LRP12: variants seen among roughly 807,000 people sequenced by gnomAD.
The protein encoded by LRP12 is LDL receptor related protein 12.
In LRP12, 14 loss-of-function variants were observed where a neutral mutation model predicts 66.0. The ratio of observed to expected loss-of-function variants is 0.21; its 90% CI spans 0.14 to 0.33. The LOEUF (loss-of-function observed/expected upper bound fraction) is 0.33. Ranked by LOEUF, LRP12 falls within the 10% of genes least tolerant of loss-of-function variation. The probability of loss-of-function intolerance (pLI) is 1.00; values close to 1 mark genes in which losing one functional copy is unlikely to be tolerated. For synonymous variants in LRP12, 357 were observed against 359.1 expected (o/e 0.99, Z 0.07); for missense variants, 889 against 1,053.4 (o/e 0.84, Z 2.16).
At chr8:104,509,175 AAAT>A in intron 2 of LRP12, 101 bp from the exon 3 acceptor site, 3 of 971,636 alleles carry the variant, frequency 3.1e-6, no homozygotes. Context: ...TTTACACATC[AAAT>A]AATAACCAAT....
intron 1 of LRP12, among the ~76,000 whole-genome samples, chr8:104,586,754 G>A (rs1812339031): frequency 6.6e-6 from 1 of 152,146 alleles, no homozygotes; most frequent in African/African-American, 2.4e-5. Context: ...CAGCCATAAA[G>A]AGGATTTCTC....
At chr8:104,547,801 TTATA>T (rs1811618792) in intron 1 of LRP12, among the ~76,000 whole-genome samples, 1 of 128,530 alleles carries the variant, frequency 7.8e-6, no homozygotes, top group Admixed American at 8.8e-5. Context: ...TAATTATATA[TTATA>T]TATAATTCTA....
intron 1 of LRP12, among the ~76,000 whole-genome samples, chr8:104,557,317 T>C (rs1001197353): frequency 2.6e-5 from 4 of 152,136 alleles, no homozygotes; most frequent in Admixed American, 2.6e-4. Flanking sequence ...GGCATCCAAA[T>C]TGGTAAAAAG....
chr8:104,495,442 G>A (rs1254881776), intron 5 of LRP12: 1 of 392,724 alleles, frequency 2.5e-6, no homozygotes, highest in Non-Finnish European at 4.5e-6. Flanking sequence ...CTAGATCACT[G>A]AGTTTTAATA....
chr8:104,580,870 G>C (rs1407828349), intron 1 of LRP12, among the ~76,000 whole-genome samples: 1 of 152,160 alleles, frequency 6.6e-6, no homozygotes, highest in Non-Finnish European at 1.5e-5. Flanking sequence ...GGAAGACAAC[G>C]TGGCGACTCC....
At chr8:104,553,533 G>A (rs1401903194) in intron 1 of LRP12, among the ~76,000 whole-genome samples, 3 of 152,030 alleles carry the variant, frequency 2.0e-5, no homozygotes, top group Non-Finnish European at 1.5e-5. Flanking sequence ...TCCTGGGTAC[G>A]TAACTCCATT....
At chr8:104,514,460 G>C (rs1811046921) in intron 2 of LRP12, among the ~76,000 whole-genome samples, 2 of 151,146 alleles carry the variant, frequency 1.3e-5, no homozygotes, top group Admixed American at 6.6e-5. Flanking sequence ...TGTAATCCCA[G>C]CACTTTGGGA....
intron 1 of LRP12, among the ~76,000 whole-genome samples, chr8:104,573,023 A>G (rs1812105788): frequency 1.3e-5 from 2 of 152,210 alleles, no homozygotes; most frequent in Admixed American, 6.5e-5. Context: ...AATAATGTTA[A>G]GTTGAATCGT....
chr8:104,514,257 G>A (rs977853923), intron 2 of LRP12, among the ~76,000 whole-genome samples: 1 of 151,964 alleles, frequency 6.6e-6, no homozygotes, highest in Non-Finnish European at 1.5e-5. Flanking sequence ...TTTATAAATG[G>A]CTTCCCAGTC....
At chr8:104,551,830 C>T (rs945607612) in intron 1 of LRP12, among the ~76,000 whole-genome samples, 8 of 152,160 alleles carry the variant, frequency 5.3e-5, no homozygotes, top group African/African-American at 1.9e-4. Context: ...TTCTTTCTTA[C>T]TCTCTTTCTC....
At position 104,547,836 on chromosome 8, in the gene LRP12, T is replaced by A. The variant is rs1412797793; in HGVS notation, c.80-15873A>T. Among the ~76,000 whole-genome samples, 4 of 122,594 alleles carry A rather than the reference T, an allele frequency of 3.3e-5. No homozygotes were observed. In the East Asian group the frequency reaches 8.9e-4, roughly 27 times the overall value. 80.4% of individuals were successfully genotyped at this position (122,594 alleles called of 152,430 possible). A position where few individuals can be genotyped will look rare whatever the true frequency, so the allele number is the denominator to read the frequency against. ...TTCTATATACTTTGTATATAATATATAATTCTATGTTATATTTTGTATATA... is the reference window on the plus strand; with the variant it reads ...TTCTATATACTTTGTATATAATATAAAATTCTATGTTATATTTTGTATATA... On this transcript the variant is annotated intron_variant, in intron 1 of 6. Coordinates refer to ENST00000276654, the MANE Select transcript of LRP12 (RefSeq NM_013437.5).
At chr8:104,495,281 T>C in intron 5 of LRP12, 72 bp from the exon 6 acceptor site, 1 of 1,426,374 alleles carries the variant, frequency 7.0e-7, no homozygotes, top group Non-Finnish European at 9.7e-7. Context: ...CTATTATCAG[T>C]AATTAAAACA....
rs534135865 is a variant in LRP12 at position 104,558,983 on chromosome 8, C to T, written c.80-27020G>A. Among the ~76,000 whole-genome samples the T allele has an allele frequency of 6.6e-5, 10 of 152,094 alleles. No homozygotes were observed. In the South Asian group the frequency reaches 2.1e-3, roughly 32 times the overall value. On this transcript the variant is annotated intron_variant, in intron 1 of 6. Transcript: ENST00000276654. ...AGATATTGGCATGGAATGTGGTGAA[C>T]AGGGAACACTTTTACATTGCCAGTG...
chr8:104,586,467 C>G (rs1812334886), intron 1 of LRP12, among the ~76,000 whole-genome samples: 1 of 152,170 alleles, frequency 6.6e-6, no homozygotes, highest in Non-Finnish European at 1.5e-5. Flanking sequence ...GTTTCATTAA[C>G]AGAGCTAATT....
intron 1 of LRP12, among the ~76,000 whole-genome samples, chr8:104,551,569 T>C (rs7832455): frequency 0.03 from 4,641 of 152,214 alleles, 237 homozygotes; most frequent in African/African-American, 0.11. Context: ...TCTTTACGTC[T>C]GTGAATGTTT....
chr8:104,542,049 T>C (rs1811486830), intron 1 of LRP12, among the ~76,000 whole-genome samples: 1 of 152,192 alleles, frequency 6.6e-6, no homozygotes, highest in African/African-American at 2.4e-5. Flanking sequence ...GGTATCCCTA[T>C]GTTTTCCTTT....
intron 1 of LRP12, among the ~76,000 whole-genome samples, chr8:104,544,558 C>A (rs545116090): frequency 1.3e-5 from 2 of 152,224 alleles, no homozygotes; most frequent in East Asian, 1.9e-4. Context: ...TAATGCAGCT[C>A]GTGACTTTAA....
intron 1 of LRP12, among the ~76,000 whole-genome samples, chr8:104,568,962 A>G (rs1588508363): frequency 6.6e-6 from 1 of 152,192 alleles, no homozygotes; most frequent in Non-Finnish European, 1.5e-5. Flanking sequence ...GTCCACACAA[A>G]AACTTTCACA....
At chr8:104,523,455 T>C (rs1341385354) in intron 2 of LRP12, among the ~76,000 whole-genome samples, 1 of 152,172 alleles carries the variant, frequency 6.6e-6, no homozygotes, top group Non-Finnish European at 1.5e-5. Flanking sequence ...ATAAAATTAA[T>C]TATATGACAT....
Sources: gnomAD v4.1 joint callset for allele counts (sites outside exome capture counted in the v4.1 genomes callset) on GRCh38, gnomAD v4.1.1 for gene constraint, MANE v1.5 for transcripts, NCBI Gene and HGNC (gene_info 2026-07-23, HGNC 2026-07-21) for gene names.